GHR: variants seen among roughly 807,000 people sequenced by gnomAD.
The protein encoded by GHR is growth hormone receptor, also known as GH receptor.
Under a neutral mutation model 67.1 loss-of-function variants are expected in GHR, and 35 were observed. The ratio of observed to expected loss-of-function variants is 0.52; its 90% CI spans 0.40 to 0.69. The LOEUF (loss-of-function observed/expected upper bound fraction) is 0.69. Ranked by LOEUF, GHR falls within the 30% of genes least tolerant of loss-of-function variation. The pLI, the probability that GHR is intolerant of heterozygous loss-of-function variation, is 0.00. For synonymous variants in GHR, 272 were observed against 269.1 expected (o/e 1.01, Z -0.10); for missense variants, 792 against 764.6 (o/e 1.04, Z -0.42).
intron 1 of GHR, among the ~76,000 whole-genome samples, chr5:42,485,973 A>G (rs556560659): frequency 6.6e-6 from 1 of 152,108 alleles, no homozygotes; most frequent in Non-Finnish European, 1.5e-5. Context: ...GAAGATTTAG[A>G]TCAGTAGTTC....
At chr5:42,474,534 G>A (rs148377394) in intron 1 of GHR, among the ~76,000 whole-genome samples, 184 of 152,096 alleles carry the variant, frequency 1.2e-3, no homozygotes, top group African/African-American at 4.3e-3. Flanking sequence ...AGAGGTCTTT[G>A]GCCAGTTATT....
intron 3 of GHR, among the ~76,000 whole-genome samples, chr5:42,659,572 A>G (rs1755453766): frequency 1.3e-5 from 2 of 152,066 alleles, no homozygotes. Context: ...ACACGGCCAA[A>G]AGGACATACC....
chr5:42,694,936 C>G lies in GHR; in HGVS notation c.286C>G (p.Gln96Glu), dbSNP rs1757598926. Residue 96 changes from glutamine to glutamate, a missense_variant, in exon 5 of 10, where the codon CAA becomes GAA. Coordinates refer to ENST00000230882, the MANE Select transcript of GHR (RefSeq NM_000163.5). ...TTTTAGGAACACTCAAGAATGGACT[C>G]AAGAATGGAAAGAATGCCCTGATTA... ...YTRRNTQEWT[Q>E]EWKECPDYVS... 3 of 1,610,076 alleles carry G rather than the reference C, an allele frequency of 1.9e-6. No individual in the cohort carries two copies. The East Asian group carries it at 6.7e-5, about 36-fold the overall frequency.
At chr5:42,441,349 T>C (rs1045363938) in intron 1 of GHR, among the ~76,000 whole-genome samples, 1 of 152,150 alleles carries the variant, frequency 6.6e-6, no homozygotes, top group Non-Finnish European at 1.5e-5. Flanking sequence ...TTAGGGAGAA[T>C]GAGTTTGTTG....
chr5:42,567,628 C>A (rs770975377), intron 2 of GHR, among the ~76,000 whole-genome samples: 20 of 151,660 alleles, frequency 1.3e-4, no homozygotes, highest in Non-Finnish European at 2.5e-4. Context: ...TTGAACTAAC[C>A]AATATTTCTT....
chr5:42,568,483 A>G (rs1438532623), intron 2 of GHR, among the ~76,000 whole-genome samples: 1 of 152,210 alleles, frequency 6.6e-6, no homozygotes, highest in African/African-American at 2.4e-5. Context: ...TGGTTGACCT[A>G]TCAACTGATT....
intron 1 of GHR, among the ~76,000 whole-genome samples, chr5:42,520,390 C>T (rs1351602931): frequency 6.6e-6 from 1 of 152,138 alleles, no homozygotes; most frequent in Non-Finnish European, 1.5e-5. Flanking sequence ...TATGGCATAG[C>T]TTTATGGTCA....
intron 1 of GHR, among the ~76,000 whole-genome samples, chr5:42,447,724 T>G (rs972601285): frequency 8.5e-6 from 1 of 117,702 alleles, no homozygotes; most frequent in Non-Finnish European, 1.7e-5. Flanking sequence ...TCCCTCCCTC[T>G]CTCTCTCTTT....
chr5:42,692,993 C>G (rs1348504216), intron 4 of GHR, among the ~76,000 whole-genome samples: 1 of 152,022 alleles, frequency 6.6e-6, no homozygotes, highest in African/African-American at 2.4e-5. Context: ...GAACCACCCA[C>G]CTATTCCTAA....
At chr5:42,453,225 TG>T (rs1744125371) in intron 1 of GHR, among the ~76,000 whole-genome samples, 1 of 152,090 alleles carries the variant, frequency 6.6e-6, no homozygotes, top group African/African-American at 2.4e-5. Flanking sequence ...ACATACTTGG[TG>T]TGTGGGTGAA....
At chr5:42,465,693 T>C (rs1055683593) in intron 1 of GHR, 2 of 855,486 alleles carry the variant, frequency 2.3e-6, no homozygotes, top group African/African-American at 1.6e-5. Context: ...TTCAGGCCAC[T>C]GTAATGTGAA....
chr5:42,698,309 A>G (rs1227245014), intron 5 of GHR, among the ~76,000 whole-genome samples: 4 of 152,130 alleles, frequency 2.6e-5, no homozygotes, highest in Admixed American at 2.6e-4. Context: ...CTTGTCTCAT[A>G]TCCTCTATTT....
chr5:42,674,890 G>A (rs893042984), intron 3 of GHR, among the ~76,000 whole-genome samples: 1 of 152,124 alleles, frequency 6.6e-6, no homozygotes, highest in Non-Finnish European at 1.5e-5. Context: ...GGGTCATATG[G>A]TAACTCTGTA....
intron 3 of GHR, among the ~76,000 whole-genome samples, chr5:42,683,007 A>G (rs1181952711): frequency 6.6e-6 from 1 of 150,856 alleles, no homozygotes. Context: ...TTTTATTTTT[A>G]TATATTTTTT....
chr5:42,488,551 A>AT (rs1194785377), intron 1 of GHR, among the ~76,000 whole-genome samples: 2 of 151,840 alleles, frequency 1.3e-5, no homozygotes, highest in African/African-American at 2.4e-5. Context: ...TGACATCTCA[A>AT]TTTTTTTTGT....
intron 1 of GHR, among the ~76,000 whole-genome samples, chr5:42,512,694 T>C (rs1445648864): frequency 6.6e-6 from 1 of 152,170 alleles, no homozygotes; most frequent in Admixed American, 6.5e-5. Flanking sequence ...TACACTGTCT[T>C]CAAATCCTTT....
chr5:42,618,333 G>A (rs1174972004), intron 2 of GHR, among the ~76,000 whole-genome samples: 1 of 152,090 alleles, frequency 6.6e-6, no homozygotes, highest in Non-Finnish European at 1.5e-5. Flanking sequence ...GAGGGGAGCT[G>A]CATCAAAGTT....
chr5:42,493,221 G>C (rs923350119), intron 1 of GHR, among the ~76,000 whole-genome samples: 1 of 152,156 alleles, frequency 6.6e-6, no homozygotes, highest in Non-Finnish European at 1.5e-5. Context: ...CAGAGACCTT[G>C]CTGTGTTAAG....
chr5:42,453,569 T>A (rs1744138642), intron 1 of GHR, among the ~76,000 whole-genome samples: 1 of 152,166 alleles, frequency 6.6e-6, no homozygotes, highest in Non-Finnish European at 1.5e-5. Flanking sequence ...ACAGCCTCAC[T>A]CCTGTCCTAG....
Sources: gnomAD v4.1 joint callset for allele counts (sites outside exome capture counted in the v4.1 genomes callset) on GRCh38, gnomAD v4.1.1 for gene constraint, MANE v1.5 for transcripts, NCBI Gene and HGNC (gene_info 2026-07-23, HGNC 2026-07-21) for gene names.